The following CNIH3 variants were observed in gnomAD, a reference collection of about 807,000 sequenced individuals.
CNIH3 encodes the protein cornichon family AMPA receptor auxiliary protein 3, also known as protein cornichon homolog 3.
CNIH3 carries 14 observed loss-of-function variants against 24.1 expected under a neutral mutation model. That is an observed-to-expected ratio of 0.58 (90% CI 0.38 to 0.91). CNIH3 has a LOEUF of 0.91. Ranked by LOEUF, CNIH3 falls within the 40% of genes least tolerant of loss-of-function variation. The pLI is 0.00. For missense variants in CNIH3, 178 were observed against 196.8 expected, an observed-to-expected ratio of 0.90 and a Z score of 0.57; for synonymous variants, 68 against 73.8, an observed-to-expected ratio of 0.92 and a Z score of 0.40.
chr1:224,494,392 A>G (rs1677351478), intron 1 of CNIH3, among the ~76,000 whole-genome samples: 1 of 152,204 alleles, frequency 6.6e-6, no homozygotes, highest in Admixed American at 6.5e-5. Context: ...CAGTAGGCCC[A>G]GAGAATGTAT....
intron 1 of CNIH3, among the ~76,000 whole-genome samples, chr1:224,622,550 A>C (rs1206095096): frequency 1.3e-5 from 2 of 152,212 alleles, no homozygotes; most frequent in African/African-American, 2.4e-5. Context: ...TAGAGAGGAG[A>C]GGAGAGAAGT....
intron 3 of CNIH3, among the ~76,000 whole-genome samples, chr1:224,726,356 A>G (rs1168330501): frequency 6.6e-6 from 1 of 152,252 alleles, no homozygotes; most frequent in Non-Finnish European, 1.5e-5. Flanking sequence ...TAAAGTTTGC[A>G]GGTACTGATA....
chr1:224,657,129 G>T (rs1262710443), intron 1 of CNIH3, among the ~76,000 whole-genome samples: 4 of 152,104 alleles, frequency 2.6e-5, no homozygotes, highest in Admixed American at 6.5e-5. Context: ...ATCATTGCCA[G>T]GGTGGTATGG....
chr1:224,503,651 A>T (rs1433239547), intron 1 of CNIH3, among the ~76,000 whole-genome samples: 2 of 152,222 alleles, frequency 1.3e-5, no homozygotes, highest in Non-Finnish European at 2.9e-5. Context: ...GCAACCGCAC[A>T]GGGCTGCCTG....
intron 1 of CNIH3, among the ~76,000 whole-genome samples, chr1:224,631,243 A>G (rs1241244254): frequency 6.6e-6 from 1 of 152,118 alleles, no homozygotes; most frequent in African/African-American, 2.4e-5. Flanking sequence ...TTCCCTTTTC[A>G]CTGGATCCCT....
intron 4 of CNIH3, among the ~76,000 whole-genome samples, chr1:224,569,548 C>T (rs182148786): frequency 3.0e-4 from 46 of 152,206 alleles, no homozygotes; most frequent in African/African-American, 1.0e-3. Flanking sequence ...ATCCTGCATG[C>T]GGACCTGCTG....
intron 1 of CNIH3, among the ~76,000 whole-genome samples, chr1:224,474,556 G>A (rs936565195): frequency 6.6e-6 from 1 of 151,774 alleles, no homozygotes; most frequent in Non-Finnish European, 1.5e-5. Flanking sequence ...AAAAGCAAGA[G>A]CAAACCAAAC....
upstream of CNIH3, chr1:224,615,466 T>C (rs912552848): frequency 6.6e-6 from 1 of 152,226 alleles, no homozygotes; most frequent in African/African-American, 2.4e-5. Flanking sequence ...CTACCACTTA[T>C]TGAACGTATA....
chr1:224,589,908 G>T (rs536821200), downstream of CNIH3, among the ~76,000 whole-genome samples: 3 of 152,012 alleles, frequency 2.0e-5, no homozygotes, highest in South Asian at 4.2e-4. Flanking sequence ...ATGGAGTCTT[G>T]CTCTGTCACC....
At chr1:224,665,585 C>T (rs1288410472) in intron 1 of CNIH3, among the ~76,000 whole-genome samples, 1 of 152,168 alleles carries the variant, frequency 6.6e-6, no homozygotes, top group African/African-American at 2.4e-5. Context: ...AGCAGTACCT[C>T]CTGCAATCCT....
At chr1:224,507,688 T>C (rs1012839866) in intron 1 of CNIH3, among the ~76,000 whole-genome samples, 5 of 152,226 alleles carry the variant, frequency 3.3e-5, no homozygotes, top group Non-Finnish European at 7.3e-5. Flanking sequence ...GGGTACCTGG[T>C]GTCTTGTCCT....
intron 3 of CNIH3, among the ~76,000 whole-genome samples, chr1:224,594,005 A>G (rs986927002): frequency 6.6e-6 from 1 of 152,224 alleles, no homozygotes; most frequent in African/African-American, 2.4e-5. Flanking sequence ...AGAAGGGGGA[A>G]ATAGGAATTA....
intron 1 of CNIH3, among the ~76,000 whole-genome samples, chr1:224,677,599 G>A (rs559305961): frequency 1.3e-5 from 2 of 152,288 alleles, no homozygotes; most frequent in African/African-American, 2.4e-5. Flanking sequence ...TTTCCTCTGC[G>A]CCATCCTCTA....
intron 1 of CNIH3, among the ~76,000 whole-genome samples, chr1:224,625,370 A>G (rs138180668): frequency 0.047 from 7,119 of 152,026 alleles, 231 homozygotes; most frequent in East Asian, 0.15. Context: ...TAACATGGTG[A>G]AACCCCATCT....
In CNIH3 at chr1:224,500,440, G is replaced by A. The variant is rs544742202; in HGVS notation, n.204-15301G>A. ...TAATCCCAGCACTTTGGGAGGCCGA[G>A]GCAGGCAGATAGCTTGAACTCAGGA... is the stretch of plus-strand genomic sequence containing the variant. On this transcript the variant is annotated intron_variant and non_coding_transcript_variant, in intron 1 of 5. Coordinates refer to the CNIH3 transcript ENST00000471578. Among the ~76,000 whole-genome samples, 108 of 152,272 alleles carry A rather than the reference G, an allele frequency of 7.1e-4. 1 individual carries two copies. The highest frequency in any genetic ancestry group is 2.5e-3 in the African/African-American group (103 of 41,548).
chr1:224,500,010 T>C (rs568083017), intron 1 of CNIH3, among the ~76,000 whole-genome samples: 4 of 152,122 alleles, frequency 2.6e-5, no homozygotes, highest in Admixed American at 6.5e-5. Flanking sequence ...TTCTTTTTTC[T>C]TTTTTCTTTT....
intron 1 of CNIH3, among the ~76,000 whole-genome samples, chr1:224,655,551 C>T (rs980116773): frequency 2.3e-4 from 35 of 152,104 alleles, no homozygotes; most frequent in African/African-American, 7.5e-4. Flanking sequence ...TGTAGTGGGC[C>T]TTCAAGCTAT....
chr1:224,616,503 G>C lies in CNIH3; in HGVS notation c.-672G>C. ...CTTGGGTTGCGGAGGCCGGCTGGCC[G>C]GAGTCACGGTTGGGGACGGGCGCGC... On this transcript the variant is annotated 5_prime_UTR_variant, in exon 1 of 6. Coordinates refer to ENST00000272133, the MANE Select transcript of CNIH3 (RefSeq NM_152495.2). 1.0e-6 allele frequency: 1 copy of C among 987,994 alleles called. No homozygotes were observed. Among genetic ancestry groups the C allele is most frequent in the Non-Finnish European group, 1.2e-6 (1 of 831,210 alleles). 61.2% of individuals were successfully genotyped at this position (987,994 alleles called of 1,614,324 possible).
intron 1 of CNIH3, among the ~76,000 whole-genome samples, chr1:224,473,916 CA>C (rs1178348501): frequency 6.6e-6 from 1 of 152,132 alleles, no homozygotes; most frequent in East Asian, 1.9e-4. Context: ...AGTCTTAAAA[CA>C]TTCAAAAAAT....
Sources: gnomAD v4.1 joint callset for allele counts (sites outside exome capture counted in the v4.1 genomes callset) on GRCh38, gnomAD v4.1.1 for gene constraint, MANE v1.5 for transcripts, NCBI Gene and HGNC (gene_info 2026-07-23, HGNC 2026-07-21) for gene names.